TLN2: variants seen among roughly 807,000 people sequenced by gnomAD.
TLN2 encodes talin 2.
In TLN2, 118 loss-of-function variants were observed where a neutral mutation model predicts 294.7. That is an observed-to-expected ratio of 0.40 (90% CI 0.34 to 0.47). The LOEUF (loss-of-function observed/expected upper bound fraction) is 0.47. Among genes scored for constraint, TLN2 ranks in the 20% least tolerant of loss-of-function variants. The pLI, the probability that TLN2 is intolerant of heterozygous loss-of-function variation, is 0.84. For missense variants in TLN2, 3,083 were observed against 3,282.2 expected (o/e 0.94, Z 1.48); for synonymous variants, 1,431 against 1,304.5 (o/e 1.10, Z -2.09).
At chr15:62,471,999 GCATT>G (rs1415594572) in intron 1 of TLN2, among the ~76,000 whole-genome samples, 1 of 152,138 alleles carries the variant, frequency 6.6e-6, no homozygotes, top group Non-Finnish European at 1.5e-5. Context: ...ATTCTCCACT[GCATT>G]CAGAATAAAG....
intron 1 of TLN2, among the ~76,000 whole-genome samples, chr15:62,447,793 CAG>C (rs1191078481): frequency 6.6e-6 from 1 of 152,174 alleles, no homozygotes; most frequent in African/African-American, 2.4e-5. Context: ...AACTTTTCTC[CAG>C]AGTTCCATAT....
At chr15:62,661,885 G>C (rs1349979639) in intron 9 of TLN2, among the ~76,000 whole-genome samples, 3 of 152,122 alleles carry the variant, frequency 2.0e-5, no homozygotes, top group African/African-American at 7.2e-5. Context: ...AGATTATAAA[G>C]ACAGAAGGAC....
At chr15:62,757,557 A>G (rs1017135342) in intron 37 of TLN2, among the ~76,000 whole-genome samples, 10 of 152,196 alleles carry the variant, frequency 6.6e-5, no homozygotes, top group Admixed American at 1.3e-4. Context: ...CTTCAGTTTT[A>G]AATCCTGACC....
At chr15:62,732,321 A>T (rs1034811024) in intron 28 of TLN2, among the ~76,000 whole-genome samples, 2 of 152,220 alleles carry the variant, frequency 1.3e-5, no homozygotes, top group African/African-American at 4.8e-5. Flanking sequence ...GCCTAGAAGT[A>T]GCCCCATTTA....
rs781122744 is a variant in TLN2, at chr15:62,763,549, A to C, written c.4962-14A>C. ...CCCATGGAGCCTGTGTCCAACTTGCACTATTCCTTCCAGGGACAAGGCCCC... is the reference window on the plus strand; with the variant it reads ...CCCATGGAGCCTGTGTCCAACTTGCCCTATTCCTTCCAGGGACAAGGCCCC... On this transcript the variant is annotated splice_polypyrimidine_tract_variant and intron_variant, in intron 39 of 58. Transcript: ENST00000636159. The C allele has an allele frequency of 6.9e-6, 11 of 1,599,954 alleles. No individual in the cohort carries two copies. The African/African-American group carries it at 1.3e-4, about 19-fold the overall frequency.
intron 1 of TLN2, among the ~76,000 whole-genome samples, chr15:62,505,786 C>T (rs1038724777): frequency 1.3e-5 from 2 of 152,144 alleles, no homozygotes; most frequent in Non-Finnish European, 2.9e-5. Flanking sequence ...TCTCCCTAAA[C>T]TTAATCTGTA....
chr15:62,510,575 A>T (rs1008233983), intron 1 of TLN2, among the ~76,000 whole-genome samples: 1 of 152,214 alleles, frequency 6.6e-6, no homozygotes, highest in Non-Finnish European at 1.5e-5. Flanking sequence ...TGTGTAAGTT[A>T]TGGGTATTGT....
intron 9 of TLN2, among the ~76,000 whole-genome samples, chr15:62,659,713 C>G (rs761682201): frequency 6.6e-6 from 1 of 152,142 alleles, no homozygotes; most frequent in Non-Finnish European, 1.5e-5. Context: ...TATTCAGATT[C>G]CAAATTAAAA....
intron 58 of TLN2, among the ~76,000 whole-genome samples, chr15:62,839,823 A>AAATAACACTGGAGAATACTGCATTC (rs1217494615): frequency 6.6e-6 from 1 of 152,232 alleles, no homozygotes; most frequent in Non-Finnish European, 1.5e-5. Flanking sequence ...GGCTCTGATC[A>AAATAACACTGGAGAATACTGCATTC]AATAACACTG....
chr15:62,579,887 G>T (rs967635657), intron 1 of TLN2, among the ~76,000 whole-genome samples: 4 of 152,208 alleles, frequency 2.6e-5, no homozygotes, highest in African/African-American at 9.6e-5. Flanking sequence ...AATAAAAATG[G>T]AGGAGCATGC....
chr15:62,563,535 G>C (rs1330344129), intron 1 of TLN2, among the ~76,000 whole-genome samples: 4 of 152,120 alleles, frequency 2.6e-5, no homozygotes, highest in Admixed American at 1.3e-4. Context: ...CTCCCACTTG[G>C]TGCGTTGTCT....
At position 62,835,956 on chromosome 15, in the gene TLN2, C is replaced by T. The variant is rs369147646; in HGVS notation, c.7257C>T (p.His2419=). Residue 2419 remains histidine (H), a synonymous_variant, in exon 57 of 59, where the codon CAC becomes CAT. Transcript: ENST00000636159. The part of the protein sequence containing the change: ...CEAANASVQG[H]ASEEKLISSA... ...CGGCCAATGCCTCCGTTCAGGGACA[C>T]GCCAGCGAGGAGAAGCTCATCTCAT... The T allele has an allele frequency of 7.1e-5, 115 of 1,614,060 alleles. 1 individual carries two copies. Among genetic ancestry groups the T allele is most frequent in the Admixed American group, 5.3e-4 (32 of 60,006 alleles).
chr15:62,765,906 G>A lies in TLN2; in HGVS notation c.5095-415G>A, dbSNP rs373144272. On this transcript the variant is annotated intron_variant, in intron 40 of 58. Coordinates refer to ENST00000636159, the MANE Select transcript of TLN2 (RefSeq NM_015059.3). ...TTTTTATGTCACTCTCCCTCCTTGAGGGGTTATTAGTTCTGAGAATACAGT... is the reference window on the plus strand; with the variant it reads ...TTTTTATGTCACTCTCCCTCCTTGAAGGGTTATTAGTTCTGAGAATACAGT... 7.6e-4 allele frequency among the ~76,000 whole-genome samples: 116 copies of A among 152,288 alleles called. 2 individuals are homozygous for A. Among genetic ancestry groups the A allele is most frequent in the South Asian group, 7.5e-3 (36 of 4,822 alleles).
At position 62,524,140 on chromosome 15, in the gene TLN2, C is replaced by A. The variant is rs186918952; in HGVS notation, c.-237-65547C>A. Among the ~76,000 whole-genome samples the A allele has an allele frequency of 2.3e-3, 347 of 152,308 alleles. 1 individual carries two copies. Among genetic ancestry groups the A allele is most frequent in the African/African-American group, 8.1e-3 (336 of 41,558 alleles). On this transcript the variant is annotated intron_variant, in intron 1 of 58. Coordinates refer to ENST00000636159, the MANE Select transcript of TLN2 (RefSeq NM_015059.3). ...TTTCTTAGGAGGAGAGCCCTGAAAA[C>A]CACCTGGAATTCTTTGTGTGTGGGA...
At chr15:62,625,221 A>T (rs1482323547) in intron 3 of TLN2, among the ~76,000 whole-genome samples, 3 of 151,944 alleles carry the variant, frequency 2.0e-5, no homozygotes, top group Non-Finnish European at 4.4e-5. Flanking sequence ...TCAGACTATG[A>T]CTCAGGCCCA....
rs575634022 is a variant in TLN2, at chr15:62,642,637, G to C, written c.-36-4638G>C. Among the ~76,000 whole-genome samples the C allele has an allele frequency of 1.7e-3, 254 of 152,090 alleles. 1 individual carries two copies. The highest frequency in any genetic ancestry group is 2.8e-3 in the Non-Finnish European group (191 of 67,986). The stretch of plus-strand genomic sequence containing the variant: ...CACTCATCTTTAGTCTACATTTCTA[G>C]GTTGCTATATGTTCTAATCCTACTT... On this transcript the variant is annotated intron_variant, in intron 3 of 58. Coordinates refer to ENST00000636159, the MANE Select transcript of TLN2 (RefSeq NM_015059.3).
At position 62,833,649 on chromosome 15, in the gene TLN2, A is replaced by G. The variant is rs1319244208; in HGVS notation, c.7128+20A>G. 5 of 1,611,378 alleles carry G rather than the reference A, an allele frequency of 3.1e-6. No homozygotes were observed. The Admixed American group carries it at 5.0e-5, about 16-fold the overall frequency. On this transcript the variant is annotated intron_variant, in intron 55 of 58. Coordinates refer to ENST00000636159, the MANE Select transcript of TLN2 (RefSeq NM_015059.3). ...GGAAAGGTGGGTAAAGCCGCTGACC[A>G]CATGCGGGACACTCAACGTACGAGA...
intron 1 of TLN2, among the ~76,000 whole-genome samples, chr15:62,461,350 T>G (rs1446291644): frequency 6.6e-6 from 1 of 152,234 alleles, no homozygotes; most frequent in African/African-American, 2.4e-5. Context: ...CATCTTCGTG[T>G]GAGTTGTGGG....
intron 31 of TLN2, 59 bp from the exon 32 acceptor site, chr15:62,740,571 A>C (rs2061270958): frequency 6.2e-7 from 1 of 1,605,770 alleles, no homozygotes; most frequent in Non-Finnish European, 8.5e-7. Flanking sequence ...TAGCTCTCTG[A>C]ATGCCTCCTT....
Sources: gnomAD v4.1 joint callset for allele counts (sites outside exome capture counted in the v4.1 genomes callset) on GRCh38, gnomAD v4.1.1 for gene constraint, MANE v1.5 for transcripts, NCBI Gene and HGNC (gene_info 2026-07-23, HGNC 2026-07-21) for gene names.